The following GARRE1 variants were observed in gnomAD, a reference collection of about 807,000 sequenced individuals.
The protein encoded by GARRE1 is granule associated Rac and RHOG effector 1.
Under a neutral mutation model 103.2 loss-of-function variants are expected in GARRE1, and 49 were observed. The observed-to-expected ratio is 0.47, with a 90% CI of 0.38 to 0.60. The LOEUF (loss-of-function observed/expected upper bound fraction) is 0.60, where lower values mean the gene tolerates loss of function less well. Ranked by LOEUF, GARRE1 falls within the 20% of genes least tolerant of loss-of-function variation. The probability of loss-of-function intolerance (pLI) is 0.00; values close to 1 mark genes in which losing one functional copy is unlikely to be tolerated. For synonymous variants in GARRE1, 505 were observed against 532.8 expected (o/e 0.95, Z 0.72); for missense variants, 1,199 against 1,370.5 (o/e 0.87, Z 1.98).
intron 2 of GARRE1, among the ~76,000 whole-genome samples, chr19:34,314,459 T>G (rs1352379402): frequency 6.6e-6 from 1 of 152,206 alleles, no homozygotes; most frequent in Non-Finnish European, 1.5e-5. Flanking sequence ...ATAGCTAATC[T>G]TTTCCCCCCT....
At chr19:34,283,955 C>T (rs1411922467) in intron 1 of GARRE1, among the ~76,000 whole-genome samples, 1 of 150,898 alleles carries the variant, frequency 6.6e-6, no homozygotes, top group Non-Finnish European at 1.5e-5. Context: ...CCTCAGCCTC[C>T]CAAGTAGCTG....
chr19:34,298,296 C>T (rs775814131), intron 1 of GARRE1, among the ~76,000 whole-genome samples: 53 of 151,756 alleles, frequency 3.5e-4, no homozygotes, highest in Admixed American at 2.9e-3. Flanking sequence ...CATCTGTAGT[C>T]CCAGCTGCTC....
chr19:34,336,167 T>C (rs901305582), intron 8 of GARRE1, among the ~76,000 whole-genome samples: 1 of 151,770 alleles, frequency 6.6e-6, no homozygotes, highest in Non-Finnish European at 1.5e-5. Flanking sequence ...ATTTTTAAGT[T>C]TTTTGTAGAG....
chr19:34,339,779 A>G (rs2074177512), intron 8 of GARRE1, 88 bp from the exon 9 acceptor site: 1 of 1,545,714 alleles, frequency 6.5e-7, no homozygotes, highest in African/African-American at 1.4e-5. Flanking sequence ...AGAGGTACAT[A>G]AAAGTTGTAG....
intron 8 of GARRE1, among the ~76,000 whole-genome samples, chr19:34,335,013 A>T (rs1252665935): frequency 3.3e-5 from 5 of 152,104 alleles, no homozygotes; most frequent in African/African-American, 1.2e-4. Context: ...ACTGCACTCC[A>T]GCCTGGGTGA....
intron 1 of GARRE1, among the ~76,000 whole-genome samples, chr19:34,255,672 T>C (rs1224920405): frequency 1.8e-5 from 1 of 55,200 alleles, no homozygotes; most frequent in East Asian, 2.2e-4. Flanking sequence ...TTTGATATGG[T>C]CTTTTTTTTT....
At chr19:34,313,253 A>T (rs2074044949) in intron 2 of GARRE1, among the ~76,000 whole-genome samples, 1 of 152,226 alleles carries the variant, frequency 6.6e-6, no homozygotes, top group African/African-American at 2.4e-5. Context: ...TAGCTGGAGA[A>T]TGAGTAAACC....
chr19:34,319,470 G>A (rs1256944667), intron 2 of GARRE1, among the ~76,000 whole-genome samples: 1 of 152,216 alleles, frequency 6.6e-6, no homozygotes, highest in African/African-American at 2.4e-5. Context: ...TCAACGGAAT[G>A]TCTTATGGTC....
At chr19:34,295,636 A>G (rs2073943189) in intron 1 of GARRE1, among the ~76,000 whole-genome samples, 2 of 151,972 alleles carry the variant, frequency 1.3e-5, no homozygotes, top group Non-Finnish European at 2.9e-5. Flanking sequence ...CTCAAGTGAT[A>G]CTGCTCCCTC....
chr19:34,274,535 A>G (rs1203845135), intron 1 of GARRE1, among the ~76,000 whole-genome samples: 1 of 152,236 alleles, frequency 6.6e-6, no homozygotes, highest in African/African-American at 2.4e-5. Flanking sequence ...CTGGGAAGGC[A>G]TATTGAAAGA....
intron 1 of GARRE1, among the ~76,000 whole-genome samples, chr19:34,281,568 C>T (rs1458736185): frequency 6.6e-6 from 1 of 152,136 alleles, no homozygotes; most frequent in Non-Finnish European, 1.5e-5. Context: ...GGATTACAGT[C>T]ATGAGCCACT....
chr19:34,302,378 T>A (rs1317868167), intron 2 of GARRE1, among the ~76,000 whole-genome samples: 1 of 125,516 alleles, frequency 8.0e-6, no homozygotes, highest in African/African-American at 3.0e-5. Flanking sequence ...TACTGCAACA[T>A]CGCCTCCCAG....
rs186985371 is a variant in GARRE1, at chr19:34,268,629, G to C, written c.-796+14015G>C. On this transcript the variant is annotated intron_variant, in intron 1 of 13. Transcript: ENST00000299505. ...TCCTCATCAGGACCAAGTAATACTG[G>C]ATTTTTTTTTTTCATTAAATGTTCA... is the stretch of plus-strand genomic sequence containing the variant. Among the ~76,000 whole-genome samples the C allele has an allele frequency of 1.0e-3, 152 of 151,740 alleles. 1 individual carries two copies. The South Asian group carries it at 0.015, about 15-fold the overall frequency.
Position 34,319,755 on chromosome 19 carries a change from G to A in GARRE1, c.496-152G>A. The A allele has an allele frequency of 7.4e-6, 5 of 673,964 alleles. No individual in the cohort carries two copies. The East Asian group carries it at 1.3e-4, about 18-fold the overall frequency. The allele number at this position is 673,964 out of a possible 1,614,324, so 41.7% of individuals were successfully genotyped here. A position where few individuals can be genotyped will look rare whatever the true frequency, so the allele number is the denominator to read the frequency against. ...AGGTCCAAACACAAAAACAAAGGCA[G>A]ATCCTTCTGAAGCATGGTGGCCTTT... On this transcript the variant is annotated intron_variant, in intron 2 of 13. Transcript: ENST00000299505.
intron 10 of GARRE1, among the ~76,000 whole-genome samples, chr19:34,344,827 C>G (rs2074203311): frequency 6.8e-6 from 1 of 147,750 alleles, no homozygotes; most frequent in Admixed American, 6.7e-5. Flanking sequence ...GTGCCTGCCA[C>G]CACACCCAGC....
chr19:34,344,796 C>T (rs963735633), intron 10 of GARRE1, among the ~76,000 whole-genome samples: 2 of 151,750 alleles, frequency 1.3e-5, no homozygotes, highest in Non-Finnish European at 2.9e-5. Context: ...GCCTCAGCTT[C>T]CTGAGTAGCT....
Position 34,321,050 on chromosome 19 carries a change from CTTTTTTTTTTTTT to C in GARRE1, c.705+946_705+958del, listed in dbSNP as rs33942697. 5.5e-3 allele frequency among the ~76,000 whole-genome samples: 309 copies of C among 55,792 alleles called. 4 individuals carry two copies. The Middle Eastern group carries it at 0.11, about 19-fold the overall frequency. The allele number at this position is 55,792 out of a possible 152,430, so 36.6% of individuals were successfully genotyped here. A position where few individuals can be genotyped will look rare whatever the true frequency, so the allele number is the denominator to read the frequency against. ...TTAGCCACTGCACCCAGACAAGATT[CTTTTTTTTTTTTT>C]TTTTTTTTTTTGAGACGGAGTCTCG... On this transcript the variant is annotated intron_variant, in intron 3 of 13. Transcript: ENST00000299505.
Position 34,346,482 on chromosome 19 carries a change from T to C in GARRE1, c.2522-1395T>C, listed in dbSNP as rs528671747. 1.3e-4 allele frequency among the ~76,000 whole-genome samples: 20 copies of C among 152,294 alleles called. No individual in the cohort carries two copies. The South Asian group carries it at 4.1e-3, about 32-fold the overall frequency. ...AGATCAAACTTTAGCTTAAGTGGGA[T>C]CAGCATATAACCTCTATCTGGCTGA... On this transcript the variant is annotated intron_variant, in intron 10 of 13. Transcript: ENST00000299505.
At chr19:34,346,323 G>T (rs2074210746) in intron 10 of GARRE1, among the ~76,000 whole-genome samples, 1 of 152,162 alleles carries the variant, frequency 6.6e-6, no homozygotes, top group Non-Finnish European at 1.5e-5. Flanking sequence ...GTACTGCCCT[G>T]TATATCCCCG....
Sources: allele counts gnomAD v4.1 joint callset (sites outside exome capture counted in the v4.1 genomes callset), GRCh38; gene constraint gnomAD v4.1.1; transcripts MANE v1.5; gene names NCBI Gene and HGNC (gene_info 2026-07-23, HGNC 2026-07-21).